The following LRP1B variants were observed in gnomAD, a reference collection of about 807,000 sequenced individuals.
LRP1B encodes the protein LDL receptor related protein 1B, also known as low-density lipoprotein receptor-related protein 1B.
Under a neutral mutation model 556.6 loss-of-function variants are expected in LRP1B, and 217 were observed. The ratio of observed to expected loss-of-function variants is 0.39; its 90% confidence interval spans 0.35 to 0.44. The LOEUF (loss-of-function observed/expected upper bound fraction) is 0.44, where lower values mean the gene tolerates loss of function less well. Ranked by LOEUF, LRP1B falls within the 20% of genes least tolerant of loss-of-function variation. The pLI is 1.00. For missense variants in LRP1B, 5,053 were observed against 5,620.8 expected (o/e 0.90, Z 3.23); for synonymous variants, 2,047 against 1,865.8 (o/e 1.10, Z -2.50).
intron 2 of LRP1B, among the ~76,000 whole-genome samples, chr2:141,761,717 C>G (rs190894372): frequency 1.3e-5 from 2 of 152,190 alleles, no homozygotes; most frequent in Admixed American, 1.3e-4. Context: ...TTTCAGGCAG[C>G]CTGTGCTTTT....
chr2:140,358,325 G>A (rs564280283), intron 73 of LRP1B, among the ~76,000 whole-genome samples: 9 of 151,650 alleles, frequency 5.9e-5, no homozygotes, highest in Admixed American at 3.3e-4. Flanking sequence ...AAATAACACT[G>A]ATATCTACAG....
chr2:140,398,519 T>TTTGTTGTTGTTGTTG (rs6146936), intron 66 of LRP1B, among the ~76,000 whole-genome samples: 1,991 of 151,300 alleles, frequency 0.013, 25 homozygotes, highest in Non-Finnish European at 0.021. Context: ...TTCTTTCTCT[T>TTTGTTGTTGTTGTTG]TTGTTGTTGT....
intron 7 of LRP1B, among the ~76,000 whole-genome samples, chr2:141,147,869 C>T (rs1485300023): frequency 6.6e-6 from 1 of 152,070 alleles, no homozygotes; most frequent in Non-Finnish European, 1.5e-5. Context: ...TTTCTTTTAC[C>T]TTTTCTATGT....
intron 35 of LRP1B, among the ~76,000 whole-genome samples, chr2:140,717,618 C>T: frequency 6.6e-6 from 1 of 152,014 alleles, no homozygotes; most frequent in Admixed American, 6.6e-5. Flanking sequence ...ACACAGCCAC[C>T]AGAAAGACAC....
chr2:142,107,645 T>A (rs1706798322), intron 1 of LRP1B, among the ~76,000 whole-genome samples: 1 of 152,150 alleles, frequency 6.6e-6, no homozygotes, highest in African/African-American at 2.4e-5. Flanking sequence ...TTTGTTGTTT[T>A]GAGACAGAGT....
chr2:141,804,370 G>T (rs965177153), intron 2 of LRP1B, among the ~76,000 whole-genome samples: 8 of 151,926 alleles, frequency 5.3e-5, no homozygotes, highest in African/African-American at 1.7e-4. Flanking sequence ...TTTGACTATT[G>T]TATTTTTAAT....
intron 1 of LRP1B, among the ~76,000 whole-genome samples, chr2:142,090,518 T>A (rs189056474): frequency 1.3e-5 from 2 of 152,250 alleles, no homozygotes; most frequent in East Asian, 3.9e-4. Flanking sequence ...GAACCCAATG[T>A]TTTAAAAAAT....
intron 1 of LRP1B, among the ~76,000 whole-genome samples, chr2:142,013,175 C>T (rs886321757): frequency 2.0e-5 from 3 of 151,986 alleles, no homozygotes; most frequent in Admixed American, 6.5e-5. Context: ...GTAAAAATGG[C>T]GCTCATAATC....
intron 3 of LRP1B, among the ~76,000 whole-genome samples, chr2:141,356,457 AG>A (rs1688629598): frequency 6.6e-6 from 1 of 152,238 alleles, no homozygotes; most frequent in South Asian, 2.1e-4. Context: ...CAGTCAAAAA[AG>A]TATGGCAAAT....
chr2:142,044,039 A>G (rs1704158447), intron 1 of LRP1B, among the ~76,000 whole-genome samples: 1 of 151,742 alleles, frequency 6.6e-6, no homozygotes, highest in Non-Finnish European at 1.5e-5. Context: ...AATAACATAT[A>G]TCTTCAATAA....
chr2:140,880,458 G>T (rs535698297), intron 25 of LRP1B, among the ~76,000 whole-genome samples: 11 of 152,256 alleles, frequency 7.2e-5, no homozygotes, highest in African/African-American at 2.6e-4. Context: ...TCTTGGAATA[G>T]TTTGTCACCT....
At position 140,408,363 on chromosome 2, in the gene LRP1B, C is replaced by T. The variant is rs565167210; in HGVS notation, c.10415-22354G>A. On this transcript the variant is annotated intron_variant, in intron 66 of 90. Transcript: ENST00000389484. ...AATTTAAAAAAATTAAAATGGCATG[C>T]ATTAGTGCCAATGCTGATCATGTAC... 1.1e-4 allele frequency among the ~76,000 whole-genome samples: 17 copies of T among 152,016 alleles called. No individual in the cohort carries two copies. In the South Asian group the frequency reaches 3.5e-3, roughly 32 times the overall value.
At chr2:141,803,567 C>T (rs1696079658) in intron 2 of LRP1B, among the ~76,000 whole-genome samples, 2 of 152,014 alleles carry the variant, frequency 1.3e-5, no homozygotes, top group African/African-American at 4.8e-5. Context: ...TCTGTAAGAT[C>T]ATTTCAGCTT....
At chr2:142,121,586 A>G (rs1707457686) in intron 1 of LRP1B, among the ~76,000 whole-genome samples, 1 of 152,138 alleles carries the variant, frequency 6.6e-6, no homozygotes, top group Non-Finnish European at 1.5e-5. Context: ...AGTTTTACCA[A>G]ATATGTCACT....
intron 3 of LRP1B, among the ~76,000 whole-genome samples, chr2:141,426,584 T>TCA (rs5834826): frequency 0.46 from 69,620 of 151,820 alleles, 16,108 homozygotes; most frequent in South Asian, 0.6. Context: ...TGATAAAAAT[T>TCA]CAGTTTAGAA....
intron 72 of LRP1B, among the ~76,000 whole-genome samples, chr2:140,363,363 C>T (rs758069868): frequency 6.6e-5 from 10 of 151,444 alleles, no homozygotes; most frequent in Non-Finnish European, 1.2e-4. Flanking sequence ...AGTTCATGGC[C>T]CTGGAAGCAG....
At chr2:142,117,335 G>C (rs1163497704) in intron 1 of LRP1B, among the ~76,000 whole-genome samples, 1 of 152,114 alleles carries the variant, frequency 6.6e-6, no homozygotes. Flanking sequence ...TGTGAAGACA[G>C]AAATGCAGGA....
chr2:141,981,207 T>TACTA (rs1331719541), intron 1 of LRP1B, among the ~76,000 whole-genome samples: 1 of 152,036 alleles, frequency 6.6e-6, no homozygotes, highest in Non-Finnish European at 1.5e-5. Flanking sequence ...GACTGACAGA[T>TACTA]ACTAGTAAGA....
chr2:140,615,286 C>T (rs554829517), intron 41 of LRP1B, among the ~76,000 whole-genome samples: 1 of 152,080 alleles, frequency 6.6e-6, no homozygotes, highest in African/African-American at 2.4e-5. Flanking sequence ...AGCTTCAACC[C>T]TCTATGGTTT....
Sources: gnomAD v4.1 joint callset for allele counts (sites outside exome capture counted in the v4.1 genomes callset) on GRCh38, gnomAD v4.1.1 for gene constraint, MANE v1.5 for transcripts, NCBI Gene and HGNC (gene_info 2026-07-23, HGNC 2026-07-21) for gene names.